Variants in EYA1 observed in about 807,000 individuals in gnomAD.
EYA1 encodes the protein EYA transcriptional coactivator and phosphatase 1, also known as protein phosphatase EYA1.
EYA1 carries 16 observed loss-of-function variants against 82.0 expected under a neutral mutation model. That is an observed-to-expected ratio of 0.20 (90% CI 0.13 to 0.30). The LOEUF (loss-of-function observed/expected upper bound fraction) is 0.30. EYA1 is among the 10% of genes least tolerant of loss of function. The pLI, the probability that EYA1 is intolerant of heterozygous loss-of-function variation, is 1.00. For synonymous variants in EYA1, 261 were observed against 264.4 expected, an observed-to-expected ratio of 0.99 and a Z score of 0.12; for missense variants, 633 against 730.7, an observed-to-expected ratio of 0.87 and a Z score of 1.54.
intron 12 of EYA1, among the ~76,000 whole-genome samples, chr8:71,227,075 A>G (rs910184581): frequency 1.3e-5 from 2 of 152,172 alleles, no homozygotes; most frequent in South Asian, 2.1e-4. Flanking sequence ...TTAAAATGGT[A>G]TATAACAAAG....
chr8:71,513,790 C>G (rs183923386), intron 2 of EYA1, among the ~76,000 whole-genome samples: 2 of 152,186 alleles, frequency 1.3e-5, no homozygotes, highest in East Asian at 3.9e-4. Context: ...TCTATGATGT[C>G]CTTGAGTTCA....
At chr8:71,277,309 C>T (rs1388860145) in intron 9 of EYA1, among the ~76,000 whole-genome samples, 1 of 151,686 alleles carries the variant, frequency 6.6e-6, no homozygotes, top group African/African-American at 2.4e-5. Flanking sequence ...TGACACCAGG[C>T]TAATTTTTTT....
chr8:71,325,828 C>T (rs904693456), intron 4 of EYA1, among the ~76,000 whole-genome samples: 5 of 152,150 alleles, frequency 3.3e-5, no homozygotes, highest in Non-Finnish European at 7.4e-5. Flanking sequence ...CTCGCACAAT[C>T]TCTGTGTGGC....
chr8:71,488,502 A>G (rs545048359), intron 2 of EYA1, among the ~76,000 whole-genome samples: 1 of 152,336 alleles, frequency 6.6e-6, no homozygotes, highest in East Asian at 1.9e-4. Flanking sequence ...GTATGGTTCA[A>G]TTTATATATG....
intron 2 of EYA1, among the ~76,000 whole-genome samples, chr8:71,512,178 A>G (rs1229852654): frequency 6.6e-6 from 1 of 152,206 alleles, no homozygotes; most frequent in Non-Finnish European, 1.5e-5. Flanking sequence ...ATTTATCAGA[A>G]GTAATCACTA....
At chr8:71,316,499 C>T (rs1821942658) in intron 7 of EYA1, among the ~76,000 whole-genome samples, 2 of 152,100 alleles carry the variant, frequency 1.3e-5, no homozygotes, top group Admixed American at 1.3e-4. Flanking sequence ...TTACTAAAAA[C>T]AGCAGGCTGC....
intron 2 of EYA1, among the ~76,000 whole-genome samples, chr8:71,401,804 C>A (rs1829972841): frequency 6.6e-6 from 1 of 152,226 alleles, no homozygotes; most frequent in Non-Finnish European, 1.5e-5. Flanking sequence ...ACCACTACTA[C>A]TACCACCACT....
At chr8:71,541,281 A>C (rs16937645) in intron 1 of EYA1, among the ~76,000 whole-genome samples, 15,437 of 152,292 alleles carry the variant, frequency 0.1, 2,663 homozygotes, top group African/African-American at 0.35. Flanking sequence ...TGGTTTCTAC[A>C]GAAGTAAATG....
chr8:71,216,609 A>T, intron 14 of EYA1, 83 bp downstream of exon 14: 1 of 1,352,300 alleles, frequency 7.4e-7, no homozygotes, highest in South Asian at 1.2e-5. Flanking sequence ...TATTCAAAGC[A>T]GTGTGACACA....
chr8:71,492,383 T>A (rs747079950), intron 2 of EYA1, among the ~76,000 whole-genome samples: 6 of 152,178 alleles, frequency 3.9e-5, no homozygotes, highest in Non-Finnish European at 8.8e-5. Flanking sequence ...GAAGAGATGG[T>A]AGCAGGAGAA....
At chr8:71,379,824 A>G (rs1285850913) in intron 2 of EYA1, among the ~76,000 whole-genome samples, 2 of 139,176 alleles carry the variant, frequency 1.4e-5, no homozygotes, top group Non-Finnish European at 3.1e-5. Context: ...AAGCAACTCC[A>G]TCTTAGAAAA....
chr8:71,227,948 A>G (rs1810753165), intron 12 of EYA1, among the ~76,000 whole-genome samples: 1 of 152,236 alleles, frequency 6.6e-6, no homozygotes, highest in Non-Finnish European at 1.5e-5. Context: ...ATAGTAAGAA[A>G]CACTCAATTT....
At position 71,324,809 on chromosome 8, in the gene EYA1, G is replaced by A. The variant is rs187863543; in HGVS notation, c.203-2541C>T. Reference sequence around the variant, plus strand: ...TATTTCATGACTCAGGTGGCTCCCCGACCCCCAATCCAGAATTGCCTGTTG... The same window carrying A: ...TATTTCATGACTCAGGTGGCTCCCCAACCCCCAATCCAGAATTGCCTGTTG... On this transcript the variant is annotated intron_variant, in intron 4 of 17. Coordinates refer to ENST00000340726, the MANE Select transcript of EYA1 (RefSeq NM_000503.6). Among the ~76,000 whole-genome samples, 26 of 151,998 alleles carry A rather than the reference G, an allele frequency of 1.7e-4. No homozygotes were observed. In the East Asian group the frequency reaches 3.7e-3, roughly 22 times the overall value.
At chr8:71,231,537 T>C (rs150169221) in intron 12 of EYA1, among the ~76,000 whole-genome samples, 1 of 152,332 alleles carries the variant, frequency 6.6e-6, no homozygotes, top group East Asian at 1.9e-4. Context: ...AGCCATCCCA[T>C]CTCTCAGACT....
chr8:71,427,017 T>A (rs1805280288), intron 2 of EYA1, among the ~76,000 whole-genome samples: 1 of 152,202 alleles, frequency 6.6e-6, no homozygotes, highest in Admixed American at 6.5e-5. Flanking sequence ...GTATAAATCA[T>A]GGTAACAACT....
intron 2 of EYA1, among the ~76,000 whole-genome samples, chr8:71,515,784 T>C (rs200729114): frequency 6.6e-6 from 1 of 152,178 alleles, no homozygotes; most frequent in East Asian, 1.9e-4. Context: ...ACTATAACTG[T>C]ATATTCTAAA....
intron 2 of EYA1, among the ~76,000 whole-genome samples, chr8:71,457,097 A>G (rs929019871): frequency 7.9e-5 from 12 of 152,298 alleles, no homozygotes; most frequent in South Asian, 6.2e-4. Flanking sequence ...AAAAGTGGGC[A>G]AAGGATATGA....
At chr8:71,275,274 A>G (rs1043350344) in intron 9 of EYA1, among the ~76,000 whole-genome samples, 3 of 152,250 alleles carry the variant, frequency 2.0e-5, no homozygotes, top group African/African-American at 7.2e-5. Context: ...GCAGTAAAAA[A>G]TCATGCCCAT....
chr8:71,395,602 T>C (rs951324911), intron 2 of EYA1, among the ~76,000 whole-genome samples: 1 of 152,212 alleles, frequency 6.6e-6, no homozygotes, highest in African/African-American at 2.4e-5. Context: ...ATTTCTTGAT[T>C]TGCATATGTT....
Sources: allele counts gnomAD v4.1 joint callset (sites outside exome capture counted in the v4.1 genomes callset), GRCh38; gene constraint gnomAD v4.1.1; transcripts MANE v1.5; gene names NCBI Gene and HGNC (gene_info 2026-07-23, HGNC 2026-07-21).